The following DPP10 variants were observed in gnomAD, a reference collection of about 807,000 sequenced individuals.
DPP10 encodes the protein inactive dipeptidyl peptidase 10.
Under a neutral mutation model 120.9 loss-of-function variants are expected in DPP10, and 33 were observed. The ratio of observed to expected loss-of-function variants is 0.27; its 90% CI spans 0.21 to 0.37. The LOEUF (loss-of-function observed/expected upper bound fraction) is 0.37, where lower values mean the gene tolerates loss of function less well. Ranked by LOEUF, DPP10 falls within the 10% of genes least tolerant of loss-of-function variation. DPP10 has a pLI of 1.00. For synonymous variants in DPP10, 337 were observed against 326.1 expected (o/e 1.03, Z -0.36); for missense variants, 816 against 942.8 (o/e 0.87, Z 1.76).
chr2:115,819,638 AT>A (rs35770652), intron 21 of DPP10, among the ~76,000 whole-genome samples: 13,196 of 151,692 alleles, frequency 0.087, 628 homozygotes, highest in South Asian at 0.14. Context: ...TTTTATATAC[AT>A]TTTTTCATCA....
intron 21 of DPP10, among the ~76,000 whole-genome samples, chr2:115,820,400 G>A (rs1220993017): frequency 6.6e-6 from 1 of 150,908 alleles, no homozygotes. Context: ...AGAGTTCTTG[G>A]AATTTTTGTT....
chr2:114,528,462 G>A (rs762198585), intron 1 of DPP10, among the ~76,000 whole-genome samples: 10 of 151,928 alleles, frequency 6.6e-5, no homozygotes, highest in Non-Finnish European at 1.3e-4. Context: ...ACTCTAGCTG[G>A]ATGCTCAGTC....
chr2:115,630,895 T>C (rs2085798989), intron 5 of DPP10, among the ~76,000 whole-genome samples: 2 of 152,158 alleles, frequency 1.3e-5, no homozygotes, highest in Non-Finnish European at 2.9e-5. Context: ...CAGGTTTTGG[T>C]ATCAGGATGA....
chr2:114,722,596 G>T (rs1251400687), intron 1 of DPP10, among the ~76,000 whole-genome samples: 1 of 151,716 alleles, frequency 6.6e-6, no homozygotes, highest in Non-Finnish European at 1.5e-5. Flanking sequence ...CTAACACGGC[G>T]AAACCCCGTC....
intron 5 of DPP10, among the ~76,000 whole-genome samples, chr2:115,584,066 A>G (rs1008014983): frequency 6.6e-6 from 1 of 152,208 alleles, no homozygotes; most frequent in Non-Finnish European, 1.5e-5. Flanking sequence ...CCATCCCCAT[A>G]TCTACTAAGT....
intron 1 of DPP10, among the ~76,000 whole-genome samples, chr2:115,109,458 A>C (rs58053621): frequency 0.21 from 31,211 of 151,728 alleles, 3,938 homozygotes; most frequent in East Asian, 0.36. Context: ...ATCGCTTGAA[A>C]CAAGGAGGCG....
At chr2:114,861,511 G>T (rs928575116) in intron 1 of DPP10, among the ~76,000 whole-genome samples, 17 of 152,146 alleles carry the variant, frequency 1.1e-4, no homozygotes, top group Non-Finnish European at 2.2e-4. Context: ...TATTATTATA[G>T]TGGTATTTAT....
chr2:115,461,947 G>A (rs372860008), intron 3 of DPP10, among the ~76,000 whole-genome samples: 5 of 151,948 alleles, frequency 3.3e-5, no homozygotes, highest in East Asian at 1.9e-4. Flanking sequence ...ATGCCCTTTC[G>A]TGTGGACCTT....
At chr2:114,910,214 ATATAT>A in intron 1 of DPP10, among the ~76,000 whole-genome samples, 1 of 152,048 alleles carries the variant, frequency 6.6e-6, no homozygotes, top group South Asian at 2.1e-4. Context: ...ATAAGCACAA[ATATAT>A]TAATATTACA....
chr2:115,361,355 C>T (rs1305984662), intron 3 of DPP10, among the ~76,000 whole-genome samples: 1 of 152,004 alleles, frequency 6.6e-6, no homozygotes, highest in Non-Finnish European at 1.5e-5. Flanking sequence ...TGCGGGAGGG[C>T]AAAGCAATTC....
chr2:114,676,694 T>C (rs144251692), intron 1 of DPP10, among the ~76,000 whole-genome samples: 58 of 152,232 alleles, frequency 3.8e-4, no homozygotes, highest in African/African-American at 1.4e-3. Flanking sequence ...ATTTTGATAA[T>C]GTTCCTAAAT....
At chr2:115,669,815 A>G (rs1317502594) in intron 5 of DPP10, among the ~76,000 whole-genome samples, 1 of 152,188 alleles carries the variant, frequency 6.6e-6, no homozygotes, top group East Asian at 1.9e-4. Flanking sequence ...TATCCCTGGC[A>G]TCTGAGAAGA....
intron 1 of DPP10, among the ~76,000 whole-genome samples, chr2:114,589,812 A>C (rs979306564): frequency 1.3e-5 from 2 of 152,072 alleles, no homozygotes; most frequent in Non-Finnish European, 2.9e-5. Context: ...TACCCTGGCC[A>C]AGATGAGAAA....
intron 5 of DPP10, among the ~76,000 whole-genome samples, chr2:115,581,222 A>G (rs974097783): frequency 2.0e-5 from 3 of 152,228 alleles, no homozygotes; most frequent in Non-Finnish European, 4.4e-5. Flanking sequence ...CAGCTTAACT[A>G]TGGAAAAGAA....
chr2:114,677,093 C>G (rs1366389867), intron 1 of DPP10, among the ~76,000 whole-genome samples: 1 of 152,064 alleles, frequency 6.6e-6, no homozygotes, highest in East Asian at 1.9e-4. Flanking sequence ...GCAATGTTAT[C>G]CTCCCCGGCT....
chr2:114,754,919 G>A (rs1266281735), intron 1 of DPP10, among the ~76,000 whole-genome samples: 1 of 152,128 alleles, frequency 6.6e-6, no homozygotes, highest in African/African-American at 2.4e-5. Flanking sequence ...AAATGGCCTG[G>A]CAAACAAAGG....
At chr2:114,703,338 G>A (rs1219793124) in intron 1 of DPP10, among the ~76,000 whole-genome samples, 1 of 152,128 alleles carries the variant, frequency 6.6e-6, no homozygotes, top group African/African-American at 2.4e-5. Context: ...CCAGAAAATT[G>A]TAAATAGGCT....
At chr2:115,659,118 C>T (rs1412537246) in intron 5 of DPP10, among the ~76,000 whole-genome samples, 2 of 152,062 alleles carry the variant, frequency 1.3e-5, no homozygotes, top group South Asian at 2.1e-4. Flanking sequence ...GCCTCCTTCC[C>T]TCTCTCACTC....
At chr2:115,014,413 C>A (rs1192368995) in intron 1 of DPP10, among the ~76,000 whole-genome samples, 1 of 151,840 alleles carries the variant, frequency 6.6e-6, no homozygotes, top group Admixed American at 6.6e-5. Flanking sequence ...AAACTGACAC[C>A]CTAACATGAT....
Sources: gnomAD v4.1 joint callset for allele counts (sites outside exome capture counted in the v4.1 genomes callset) on GRCh38, gnomAD v4.1.1 for gene constraint, MANE v1.5 for transcripts, NCBI Gene and HGNC (gene_info 2026-07-23, HGNC 2026-07-21) for gene names.